Variants in TINAGL1 observed in about 807,000 individuals in gnomAD.
TINAGL1 encodes the protein tubulointerstitial nephritis antigen-like.
Under a neutral mutation model 62.0 loss-of-function variants are expected in TINAGL1, and 34 were observed. The observed-to-expected ratio is 0.55, with a 90% CI of 0.42 to 0.73. The LOEUF (loss-of-function observed/expected upper bound fraction) is 0.73, where lower values mean the gene tolerates loss of function less well. Among genes scored for constraint, TINAGL1 ranks in the 30% least tolerant of loss-of-function variants. TINAGL1 has a pLI of 0.00. For synonymous variants in TINAGL1, 221 were observed against 249.7 expected, an observed-to-expected ratio of 0.88 and a Z score of 1.08; for missense variants, 516 against 653.2, an observed-to-expected ratio of 0.79 and a Z score of 2.29.
Position 31,583,523 on chromosome 1 carries a change from G to T in TINAGL1, c.530G>T (p.Arg177Leu), listed in dbSNP as rs768382785. ...ACCCTGGATGAGGGCATTCGCTACC[G>T]CCTGGGCACCATCCGCCCATCTTCC... is the stretch of plus-strand genomic sequence containing the variant. ...GMTLDEGIRY[R>L]LGTIRPSSSV... is the part of the protein sequence containing the mutation. The change falls in exon 5 of 12, where the codon CGC (arginine) becomes CTC (leucine). Residue 177 changes from arginine to leucine, a missense_variant. Transcript: ENST00000271064. This position sits in a 1 kb window ranked among gnomAD's most constrained non-coding sequence, Gnocchi z 4.4. 17 of 1,613,868 alleles carry T rather than the reference G, an allele frequency of 1.1e-5. No individual in the cohort carries two copies. Among genetic ancestry groups the T allele is most frequent in the Non-Finnish European group, 1.4e-5 (17 of 1,180,016 alleles).
Position 31,587,133 on chromosome 1 carries a change from G to GCGCCC in TINAGL1, c.*159_*163dup, listed in dbSNP as rs1639419220. On this transcript the variant is annotated 3_prime_UTR_variant, in exon 12 of 12. Coordinates refer to ENST00000271064, the MANE Select transcript of TINAGL1 (RefSeq NM_022164.3). ...TCCCGGCGCGGGTTCCGCTGACGCAGCGCCCCGCCTGGGAGCCGCGGGCAG... is the reference window on the plus strand; with the variant it reads ...TCCCGGCGCGGGTTCCGCTGACGCAGCGCCCCGCCCCGCCTGGGAGCCGCGGGCAG... 2 of 1,188,590 alleles carry GCGCCC rather than the reference G, an allele frequency of 1.7e-6. No individual in the cohort carries two copies. The highest frequency in any genetic ancestry group is 2.1e-6 in the Non-Finnish European group (2 of 932,742). 73.6% of individuals were successfully genotyped at this position (1,188,590 alleles called of 1,614,324 possible). A position where few individuals can be genotyped will look rare whatever the true frequency, so the allele number is the denominator to read the frequency against.
In TINAGL1 at chr1:31,583,412, C is replaced by T; in HGVS notation, c.468-49C>T. Reference sequence around the variant, plus strand: ...CACCCACATGCACCCACGCCAAGGACCCTGAGCCTCGGCAGATCTGTGACT... The same window carrying T: ...CACCCACATGCACCCACGCCAAGGATCCTGAGCCTCGGCAGATCTGTGACT... On this transcript the variant is annotated intron_variant, in intron 4 of 11. Transcript: ENST00000271064. The surrounding 1 kb of genome is among the most constrained non-coding windows in gnomAD (Gnocchi z 4.4). 6.4e-7 allele frequency: 1 copy of T among 1,568,532 alleles called. No homozygotes were observed. The highest frequency in any genetic ancestry group is 8.7e-7 in the Non-Finnish European group (1 of 1,146,806).
Position 31,585,980 on chromosome 1 carries a change from C to T in TINAGL1, c.1217+104C>T. 5.1e-6 allele frequency: 7 copies of T among 1,375,694 alleles called. No homozygotes were observed. Among genetic ancestry groups the T allele is most frequent in the Non-Finnish European group, 6.7e-6 (7 of 1,041,908 alleles). The allele number at this position is 1,375,694 out of a possible 1,614,324, so 85.2% of individuals were successfully genotyped here. ...CAACCTCTCTAAAAAGCCAGGACTG[C>T]TCTCATCATTTCAATAGGGAGAAAA... On this transcript the variant is annotated intron_variant, in intron 10 of 11. Transcript: ENST00000271064. The surrounding 1 kb of genome is among the most constrained non-coding windows in gnomAD (Gnocchi z 4.3).
rs200193842 is a variant in TINAGL1 at position 31,585,899 on chromosome 1, G to C, written c.1217+23G>C. 679 of 1,559,988 alleles carry C rather than the reference G, an allele frequency of 4.4e-4. 2 individuals are homozygous for C. The highest frequency in any genetic ancestry group is 1.7e-4 in the Middle Eastern group (1 of 5,934). On this transcript the variant is annotated intron_variant, in intron 10 of 11. Transcript: ENST00000271064. This position sits in a 1 kb window ranked among gnomAD's most constrained non-coding sequence, Gnocchi z 4.3. ...AGGGTGAGGGGCGTGTGGGCAGAGG[G>C]GGTTTGGGACAGCAGGGTTTGTGCT...
Position 31,583,038 on chromosome 1 carries a change from C to A in TINAGL1, c.375-111C>A. On this transcript the variant is annotated intron_variant, in intron 3 of 11. Transcript: ENST00000271064. This position sits in a 1 kb window ranked among gnomAD's most constrained non-coding sequence, Gnocchi z 4.4. ...CTGGATGGGATCACCTAGAGATTCT[C>A]CCACAGTCACTTGCACAGACTCCCT... 1 of 911,630 alleles carries A rather than the reference C, an allele frequency of 1.1e-6. No individual in the cohort carries two copies. The highest frequency in any genetic ancestry group is 1.8e-6 in the Non-Finnish European group (1 of 553,074). 56.5% of individuals were successfully genotyped at this position (911,630 alleles called of 1,614,324 possible). A position where few individuals can be genotyped will look rare whatever the true frequency, so the allele number is the denominator to read the frequency against.
At position 31,576,938 on chromosome 1, in the gene TINAGL1, C is replaced by G. The variant is rs967071086; in HGVS notation, c.-15-196C>G. 1.9e-6 allele frequency: 1 copy of G among 517,312 alleles called. No individual in the cohort carries two copies. Among genetic ancestry groups the G allele is most frequent in the Non-Finnish European group, 3.3e-6 (1 of 299,588 alleles). The allele number at this position is 517,312 out of a possible 1,614,324, so 32.0% of individuals were successfully genotyped here. ...CCCTGCCTAGGTCAGGGAGGGGCTC[C>G]GTTTCTGCCCAGTCCCCATCCCCCT... On this transcript the variant is annotated intron_variant, in intron 1 of 11. Transcript: ENST00000271064. This position sits in a 1 kb window ranked among gnomAD's most constrained non-coding sequence, Gnocchi z 5.1.
Position 31,579,216 on chromosome 1 carries a change from G to A in TINAGL1, c.323G>A (p.Gly108Glu). 6.2e-7 allele frequency: 1 copy of A among 1,614,052 alleles called. No homozygotes were observed. Among genetic ancestry groups the A allele is most frequent in the Non-Finnish European group, 8.5e-7 (1 of 1,179,940 alleles). The change falls in exon 3 of 12, where the codon GGA becomes GAA. Residue 108 changes from glycine to glutamate, a missense_variant. Gly to Glu is a moderately conservative substitution (Grantham distance 98). Coordinates refer to ENST00000271064, the MANE Select transcript of TINAGL1 (RefSeq NM_022164.3). ...PFPPIQGCMH[G>E]GRIYPVLGTY... ...TCCCTTCCAACAGGATGTATGCATG[G>A]AGGTCGTATCTATCCAGTCTTGGGA...
At position 31,587,085 on chromosome 1, in the gene TINAGL1, G is replaced by A. The variant is rs1001187412; in HGVS notation, c.*106G>A. ...AGCCTCGCCCGACAGAGCCCGGGGC[G>A]CAGGCGGGCGCCAGGGCGCTAATCC... On this transcript the variant is annotated 3_prime_UTR_variant, in exon 12 of 12. Transcript: ENST00000271064. The A allele has an allele frequency of 5.4e-5, 72 of 1,323,212 alleles. No homozygotes were observed. In the Middle Eastern group the frequency reaches 8.4e-4, roughly 15 times the overall value. 82.0% of individuals were successfully genotyped at this position (1,323,212 alleles called of 1,614,324 possible).
At position 31,586,893 on chromosome 1, in the gene TINAGL1, G is replaced by A. The variant is rs1336350546; in HGVS notation, c.1318G>A (p.Val440Met). The A allele has an allele frequency of 4.5e-6, 7 of 1,546,934 alleles. No homozygotes were observed. Among genetic ancestry groups the A allele is most frequent in the Admixed American group, 4.1e-5 (2 of 48,790 alleles). The part of the protein sequence containing the change: ...AWGERGHFRI[V>M]RGVNECDIES... ...GGGCGAGAGGGGCCACTTCCGCATC[G>A]TGCGCGGCGTCAATGAGTGCGACAT... Residue 440 changes from valine (V) to methionine (M), a missense_variant, in exon 12 of 12, where the codon GTG (valine) becomes ATG (methionine). Coordinates refer to ENST00000271064, the MANE Select transcript of TINAGL1 (RefSeq NM_022164.3).
In TINAGL1 at chr1:31,581,813, G is replaced by C. The variant is rs556843277; in HGVS notation, c.375-1336G>C. 3.3e-5 allele frequency among the ~76,000 whole-genome samples: 5 copies of C among 152,324 alleles called. No homozygotes were observed. In the South Asian group the frequency reaches 1.0e-3, roughly 32 times the overall value. ...AAGGGCATTGAGAGAGACAGAGCTTGAATGATTCTCCTAAGATCACACAGC... is the reference window on the plus strand; with the variant it reads ...AAGGGCATTGAGAGAGACAGAGCTTCAATGATTCTCCTAAGATCACACAGC... On this transcript the variant is annotated intron_variant, in intron 3 of 11. Coordinates refer to ENST00000271064, the MANE Select transcript of TINAGL1 (RefSeq NM_022164.3).
intron 3 of TINAGL1, among the ~76,000 whole-genome samples, chr1:31,581,080 G>A (rs868627420): frequency 2.6e-5 from 4 of 152,212 alleles, no homozygotes; most frequent in African/African-American, 7.2e-5. Context: ...GGAGTGGCTC[G>A]TGGGAAGGCC....
intron 3 of TINAGL1, among the ~76,000 whole-genome samples, chr1:31,581,902 C>A (rs1336797645): frequency 6.6e-6 from 1 of 152,200 alleles, no homozygotes; most frequent in Non-Finnish European, 1.5e-5. Context: ...CAGCATATGG[C>A]CTCAGTCATT....
In TINAGL1 at chr1:31,586,495, G is replaced by A. The variant is rs556603313; in HGVS notation, c.1218-215G>A. ...TCACCTTGCCTCCACTTGTCCCCTT[G>A]GTGCCCCACCCCCTCCCATGCTGGG... On this transcript the variant is annotated intron_variant, in intron 10 of 11. Coordinates refer to ENST00000271064, the MANE Select transcript of TINAGL1 (RefSeq NM_022164.3). 429 of 618,290 alleles carry A rather than the reference G, an allele frequency of 6.9e-4. 5 individuals carry two copies. In the South Asian group the frequency reaches 7.4e-3, roughly 11 times the overall value. 38.3% of individuals were successfully genotyped at this position (618,290 alleles called of 1,614,324 possible).
At position 31,583,140 on chromosome 1, in the gene TINAGL1, T is replaced by C. The variant is rs1639290858; in HGVS notation, c.375-9T>C. 1 of 1,613,884 alleles carries C rather than the reference T, an allele frequency of 6.2e-7. No homozygotes were observed. Among genetic ancestry groups the C allele is most frequent in the East Asian group, 2.2e-5 (1 of 44,894 alleles). On this transcript the variant is annotated splice_polypyrimidine_tract_variant and intron_variant, in intron 3 of 11. Coordinates refer to ENST00000271064, the MANE Select transcript of TINAGL1 (RefSeq NM_022164.3). The surrounding 1 kb of genome is among the most constrained non-coding windows in gnomAD (Gnocchi z 4.4). ...CACTTACCCTTTCCTTCTCTCCTTT[T>C]CTCACCAGCACCTGCCAGGAGAACA...
At position 31,577,796 on chromosome 1, in the gene TINAGL1, C is replaced by T; in HGVS notation, c.310+338C>T. Reference sequence around the variant, plus strand: ...AGGGTCATCTTAGCCATTTTTCTGCCTTTGCTGAGGATTCTAGGATCCTGT... The same window carrying T: ...AGGGTCATCTTAGCCATTTTTCTGCTTTTGCTGAGGATTCTAGGATCCTGT... On this transcript the variant is annotated intron_variant, in intron 2 of 11. Transcript: ENST00000271064. This position sits in a 1 kb window ranked among gnomAD's most constrained non-coding sequence, Gnocchi z 5.4. 3.9e-6 allele frequency: 1 copy of T among 259,122 alleles called. No individual in the cohort carries two copies. Among genetic ancestry groups the T allele is most frequent in the African/African-American group, 2.2e-5 (1 of 45,326 alleles). 16.1% of individuals were successfully genotyped at this position (259,122 alleles called of 1,614,324 possible).
At chr1:31,578,003 T>C (rs564005732) in intron 2 of TINAGL1, 21 of 196,340 alleles carry the variant, frequency 1.1e-4, no homozygotes, top group Non-Finnish European at 2.0e-4. Context: ...TCAAGAGTGC[T>C]GTGTTATCTT....
In TINAGL1 at chr1:31,586,403, T is replaced by C. The variant is rs1314878311; in HGVS notation, c.1218-307T>C. The C allele has an allele frequency of 5.7e-6, 3 of 525,672 alleles. No individual in the cohort carries two copies. In the East Asian group the frequency reaches 1.0e-4, roughly 18 times the overall value. The allele number at this position is 525,672 out of a possible 1,614,324, so 32.6% of individuals were successfully genotyped here. A position where few individuals can be genotyped will look rare whatever the true frequency, so the allele number is the denominator to read the frequency against. ...CCAAGTGAGGGAGGGCAGGTGGATGTGTGGTCCCATAGAACTGGCCCCTAG... is the reference window on the plus strand; with the variant it reads ...CCAAGTGAGGGAGGGCAGGTGGATGCGTGGTCCCATAGAACTGGCCCCTAG... On this transcript the variant is annotated intron_variant, in intron 10 of 11. Coordinates refer to ENST00000271064, the MANE Select transcript of TINAGL1 (RefSeq NM_022164.3).
At chr1:31,580,553 G>A in intron 3 of TINAGL1, 2 of 1,289,174 alleles carry the variant, frequency 1.6e-6, no homozygotes, top group Non-Finnish European at 1.0e-6. Context: ...GATGAGGAAA[G>A]CCTTCCCGGC....
At position 31,584,853 on chromosome 1, in the gene TINAGL1, C is replaced by T. The variant is rs531372767; in HGVS notation, c.707-33C>T. The T allele has an allele frequency of 6.2e-7, 1 of 1,613,688 alleles. No homozygotes were observed. Among genetic ancestry groups the T allele is most frequent in the Non-Finnish European group, 8.5e-7 (1 of 1,179,586 alleles). On this transcript the variant is annotated intron_variant, in intron 6 of 11. Transcript: ENST00000271064. This position sits in a 1 kb window ranked among gnomAD's most constrained non-coding sequence, Gnocchi z 4.0. ...TGGGAGAGGAGGGCCAAGTCCTGAG[C>T]CTCCCGACAGCCCCTCTATCTCACC...
Sources: gnomAD v4.1 joint callset for allele counts (sites outside exome capture counted in the v4.1 genomes callset) on GRCh38, gnomAD v4.1.1 for gene constraint, Gnocchi (gnomAD v3.1) non-coding constraint, MANE v1.5 for transcripts, NCBI Gene and HGNC (gene_info 2026-07-23, HGNC 2026-07-21) for gene names.